PDGFD: variants seen among roughly 807,000 people sequenced by gnomAD.
PDGFD encodes platelet derived growth factor D.
PDGFD carries 30 observed loss-of-function variants against 44.7 expected under a neutral mutation model. That is an observed-to-expected ratio of 0.67 (90% CI 0.50 to 0.91). PDGFD has a LOEUF of 0.91. Among genes scored for constraint, PDGFD ranks in the 40% least tolerant of loss-of-function variants. The pLI, the probability that PDGFD is intolerant of heterozygous loss-of-function variation, is 0.00. For missense variants in PDGFD, 445 were observed against 457.8 expected (o/e 0.97, Z 0.25); for synonymous variants, 173 against 168.4 (o/e 1.03, Z -0.21).
At chr11:103,991,324 TCTC>T (rs1300848876) in intron 3 of PDGFD, among the ~76,000 whole-genome samples, 1 of 152,216 alleles carries the variant, frequency 6.6e-6, no homozygotes, top group East Asian at 1.9e-4. Flanking sequence ...CTCTCTTCCT[TCTC>T]CTCCTCCCTT....
At chr11:103,975,128 C>T (rs76043312) in intron 3 of PDGFD, among the ~76,000 whole-genome samples, 1 of 152,216 alleles carries the variant, frequency 6.6e-6, no homozygotes, top group African/African-American at 2.4e-5. Flanking sequence ...GAAAAGCATT[C>T]CTATTTCTCC....
At chr11:103,955,143 G>A (rs1362360820) in intron 3 of PDGFD, among the ~76,000 whole-genome samples, 2 of 110,612 alleles carry the variant, frequency 1.8e-5, no homozygotes, top group African/African-American at 3.6e-5. Context: ...CAGCCTGGGC[G>A]ACAGAGCGAG....
chr11:103,978,309 AT>A (rs2134349545), intron 3 of PDGFD, among the ~76,000 whole-genome samples: 1 of 152,110 alleles, frequency 6.6e-6, no homozygotes, highest in Admixed American at 6.6e-5. Flanking sequence ...TTTTATGAAC[AT>A]TTCAAAACAT....
chr11:104,125,999 T>C (rs535418629), intron 1 of PDGFD, among the ~76,000 whole-genome samples: 45 of 152,246 alleles, frequency 3.0e-4, no homozygotes, highest in African/African-American at 1.1e-3. Context: ...TAGGTTAAGG[T>C]TGCAGCAATG....
chr11:104,162,077 A>T (rs1414044207), intron 1 of PDGFD, among the ~76,000 whole-genome samples: 1 of 152,032 alleles, frequency 6.6e-6, no homozygotes, highest in Non-Finnish European at 1.5e-5. Context: ...AGCATTTCCC[A>T]TATAGACTGA....
chr11:104,054,810 G>A (rs1860596291), intron 1 of PDGFD, among the ~76,000 whole-genome samples: 1 of 152,208 alleles, frequency 6.6e-6, no homozygotes, highest in Admixed American at 6.5e-5. Context: ...AAAGGAAACA[G>A]GCTAGAGATA....
At chr11:104,042,212 A>G (rs1860365369) in intron 1 of PDGFD, among the ~76,000 whole-genome samples, 1 of 152,252 alleles carries the variant, frequency 6.6e-6, no homozygotes, top group Non-Finnish European at 1.5e-5. Context: ...ATGATTATAG[A>G]CTAGCTACCA....
intron 1 of PDGFD, among the ~76,000 whole-genome samples, chr11:104,016,530 T>C (rs1409245236): frequency 6.6e-6 from 1 of 152,158 alleles, no homozygotes; most frequent in East Asian, 1.9e-4. Flanking sequence ...CCACACAAAG[T>C]TCTCCCCGAG....
chr11:104,046,386 T>C (rs1489703799), intron 1 of PDGFD, among the ~76,000 whole-genome samples: 1 of 147,872 alleles, frequency 6.8e-6, no homozygotes, highest in Non-Finnish European at 1.5e-5. Context: ...CAGAAATGAC[T>C]GCATAACGTT....
At chr11:103,939,169 G>A (rs1442734145) in intron 5 of PDGFD, among the ~76,000 whole-genome samples, 3 of 152,062 alleles carry the variant, frequency 2.0e-5, no homozygotes, top group Non-Finnish European at 1.5e-5. Flanking sequence ...TCACGATATT[G>A]ATTATTCCTA....
Position 104,037,955 on chromosome 11 carries a change from A to G in PDGFD, c.125-37700T>C, listed in dbSNP as rs116046777. ...TCTAGGATGGTAAGTGGGCAAGATG[A>G]GTCTTCGGACAAGGAAATTACACAT... On this transcript the variant is annotated intron_variant, in intron 1 of 6. Coordinates refer to ENST00000393158, the MANE Select transcript of PDGFD (RefSeq NM_025208.5). 234 of 1,614,176 alleles carry G rather than the reference A, an allele frequency of 1.4e-4. 1 individual carries two copies. The South Asian group carries it at 2.0e-3, about 14-fold the overall frequency.
intron 3 of PDGFD, among the ~76,000 whole-genome samples, chr11:103,995,179 C>T (rs938369778): frequency 1.4e-4 from 22 of 152,236 alleles, no homozygotes; most frequent in African/African-American, 5.1e-4. Flanking sequence ...CCACACCTGG[C>T]CTGTTGCTGC....
chr11:103,928,747 A>G (rs1858356645), intron 5 of PDGFD, among the ~76,000 whole-genome samples: 1 of 152,224 alleles, frequency 6.6e-6, no homozygotes, highest in African/African-American at 2.4e-5. Context: ...GCTATAATCA[A>G]TCCAGATTTA....
chr11:104,002,523 T>C (rs1859635702), intron 1 of PDGFD, among the ~76,000 whole-genome samples: 1 of 152,216 alleles, frequency 6.6e-6, no homozygotes, highest in Non-Finnish European at 1.5e-5. Flanking sequence ...CATATGGAAC[T>C]GTGAGCCAAT....
At chr11:104,024,938 C>T (rs191888897) in intron 1 of PDGFD, among the ~76,000 whole-genome samples, 2 of 152,286 alleles carry the variant, frequency 1.3e-5, no homozygotes, top group Admixed American at 6.5e-5. Flanking sequence ...AACTGAATAT[C>T]ATAAGTGATT....
At chr11:104,079,889 A>C (rs1046105038) in intron 1 of PDGFD, among the ~76,000 whole-genome samples, 3 of 152,222 alleles carry the variant, frequency 2.0e-5, no homozygotes, top group Non-Finnish European at 4.4e-5. Flanking sequence ...TATGCATACT[A>C]TAAACTTACA....
chr11:104,056,509 G>C (rs1860618488), intron 1 of PDGFD, among the ~76,000 whole-genome samples: 1 of 152,106 alleles, frequency 6.6e-6, no homozygotes, highest in South Asian at 2.1e-4. Flanking sequence ...TTGGGACACA[G>C]AGACACAACG....
chr11:104,102,029 T>A (rs1861391947), intron 1 of PDGFD, among the ~76,000 whole-genome samples: 1 of 152,094 alleles, frequency 6.6e-6, no homozygotes, highest in Non-Finnish European at 1.5e-5. Flanking sequence ...AAGGACTTCA[T>A]GTCTAAAACA....
At chr11:103,982,734 C>A (rs1432629508) in intron 3 of PDGFD, among the ~76,000 whole-genome samples, 2 of 151,874 alleles carry the variant, frequency 1.3e-5, no homozygotes, top group African/African-American at 4.8e-5. Flanking sequence ...GACACAAAAT[C>A]AATGTGCAAA....
Sources: allele counts gnomAD v4.1 joint callset (sites outside exome capture counted in the v4.1 genomes callset), GRCh38; gene constraint gnomAD v4.1.1; transcripts MANE v1.5; gene names NCBI Gene and HGNC (gene_info 2026-07-23, HGNC 2026-07-21).